The following AZIN2 variants were observed in gnomAD, a reference collection of about 807,000 sequenced individuals.
The protein encoded by AZIN2 is ODC antizyme inhibitor-2.
Under a neutral mutation model 47.8 loss-of-function variants are expected in AZIN2, and 28 were observed. The observed-to-expected ratio is 0.59, with a 90% CI of 0.43 to 0.80. AZIN2 has a LOEUF of 0.80. Among genes scored for constraint, AZIN2 ranks in the 30% least tolerant of loss-of-function variants. The pLI is 0.00. For missense variants in AZIN2, 535 were observed against 582.5 expected, an observed-to-expected ratio of 0.92 and a Z score of 0.84; for synonymous variants, 221 against 239.4, an observed-to-expected ratio of 0.92 and a Z score of 0.71.
chr1:33,119,565 T>G, intron 11 of AZIN2: 1 of 168,554 alleles, frequency 5.9e-6, no homozygotes, highest in Non-Finnish European at 1.3e-5. Context: ...GTTTGTGGGA[T>G]TGTTTGAGAG....
chr1:33,165,424 T>G, the AZIN2 span: 1 of 1,413,196 alleles, frequency 7.1e-7, no homozygotes, highest in Non-Finnish European at 9.7e-7. The surrounding 1 kb of genome is among the most constrained non-coding windows in gnomAD (Gnocchi z 4.0). Flanking sequence ...CTCGAAGCCC[T>G]GCCCTCATCT....
At chr1:33,152,234 T>C in the AZIN2 span, among the ~76,000 whole-genome samples, 1 of 152,188 alleles carries the variant, frequency 6.6e-6, no homozygotes, top group Admixed American at 6.5e-5. Context: ...TTTCACATCA[T>C]GCTCTTCCCA....
At chr1:33,087,002 T>C (rs1641980723) in intron 5 of AZIN2, among the ~76,000 whole-genome samples, 1 of 152,254 alleles carries the variant, frequency 6.6e-6, no homozygotes, top group African/African-American at 2.4e-5. Flanking sequence ...GTGAGCACTT[T>C]ACTTTAAACA....
chr1:33,119,125 T>C (rs757061678), intron 11 of AZIN2: 2 of 152,310 alleles, frequency 1.3e-5, no homozygotes, highest in African/African-American at 4.8e-5. Flanking sequence ...TAGATGAGAG[T>C]TGATGATACA....
In AZIN2 at chr1:33,121,433, T is replaced by C. The variant is rs1055981741; in HGVS notation, c.*1251T>C. 1.3e-5 allele frequency among the ~76,000 whole-genome samples: 2 copies of C among 152,048 alleles called. No homozygotes were observed. The highest frequency in any genetic ancestry group is 1.3e-4 in the Admixed American group (2 of 15,278). The stretch of plus-strand genomic sequence containing the variant: ...CAAAAATTAGCCAGGTGTGGTGGTA[T>C]GTGCCTGTAATTCCAGCTACTCAGG... On this transcript the variant is annotated 3_prime_UTR_variant, in exon 12 of 12. Transcript: ENST00000294517.
intron 5 of AZIN2, among the ~76,000 whole-genome samples, chr1:33,088,618 G>A (rs1021961591): frequency 4.6e-5 from 7 of 152,046 alleles, no homozygotes; most frequent in African/African-American, 1.4e-4. Context: ...TGACCTCATC[G>A]TCCTCACTGC....
intron 10 of AZIN2, among the ~76,000 whole-genome samples, chr1:33,108,641 G>GA (rs1399858669): frequency 9.9e-5 from 15 of 152,202 alleles, no homozygotes; most frequent in African/African-American, 3.6e-4. Context: ...CCGTGGCCCA[G>GA]ATTGACTTCT....
chr1:33,120,075 G>C lies in AZIN2; in HGVS notation c.1276G>C (p.Glu426Gln), dbSNP rs773485200. The C allele has an allele frequency of 3.7e-6, 6 of 1,614,054 alleles. No homozygotes were observed. Among genetic ancestry groups the C allele is most frequent in the South Asian group, 3.3e-5 (3 of 91,090 alleles). ...GCTGCGAAGGCAGCTGATGGCTGCAGAACAGGAGGATGACGTGGAGGGTGT... is the reference window on the plus strand; with the variant it reads ...GCTGCGAAGGCAGCTGATGGCTGCACAACAGGAGGATGACGTGGAGGGTGT... ...EALRRQLMAA[E>Q]QEDDVEGVCK... Residue 426 changes from glutamate to glutamine, a missense_variant, in exon 12 of 12, where the codon GAA becomes CAA. Glu to Gln is a conservative substitution (Grantham distance 29). Around this residue, in one of 3 missense-constraint regions of AZIN2, gnomAD observed 122 missense variants for 135.8 expected, o/e 0.90. Transcript: ENST00000294517.
intron 10 of AZIN2, among the ~76,000 whole-genome samples, chr1:33,116,885 T>C (rs1193081562): frequency 2.6e-5 from 4 of 152,104 alleles, no homozygotes; most frequent in Admixed American, 1.3e-4. Flanking sequence ...CCAGAGCAAC[T>C]GGAGTAACTG....
Position 33,086,113 on chromosome 1 carries a change from A to G in AZIN2, c.279+1986A>G, listed in dbSNP as rs186139056. On this transcript the variant is annotated intron_variant, in intron 5 of 11. Coordinates refer to ENST00000294517, the MANE Select transcript of AZIN2 (RefSeq NM_052998.4). ...ACCTTGATGACAGCGGGGACTGGAGAAGCATCTGCCCTTTGCTGAGTGTGT... is the reference window on the plus strand; with the variant it reads ...ACCTTGATGACAGCGGGGACTGGAGGAGCATCTGCCCTTTGCTGAGTGTGT... Among the ~76,000 whole-genome samples the G allele has an allele frequency of 3.3e-5, 5 of 152,188 alleles. No homozygotes were observed. The East Asian group carries it at 9.7e-4, about 29-fold the overall frequency.
At chr1:33,085,155 A>G (rs563122479) in intron 5 of AZIN2, among the ~76,000 whole-genome samples, 1 of 152,248 alleles carries the variant, frequency 6.6e-6, no homozygotes, top group Non-Finnish European at 1.5e-5. Context: ...TTCTGAGGCC[A>G]AGCATTATTC....
chr1:33,089,003 A>G (rs747783746), intron 5 of AZIN2, among the ~76,000 whole-genome samples: 9 of 152,106 alleles, frequency 5.9e-5, no homozygotes, highest in African/African-American at 2.2e-4. Flanking sequence ...TGTTTTATTA[A>G]CACCTATCAC....
chr1:33,112,739 T>C (rs1023171318), intron 10 of AZIN2, among the ~76,000 whole-genome samples: 11 of 152,218 alleles, frequency 7.2e-5, no homozygotes, highest in African/African-American at 2.7e-4. Flanking sequence ...TTTGTATAAA[T>C]TATTTAACAA....
At chr1:33,130,692 G>A in the AZIN2 span, among the ~76,000 whole-genome samples, 5 of 152,192 alleles carry the variant, frequency 3.3e-5, no homozygotes, top group African/African-American at 4.8e-5. Flanking sequence ...AGTAATATTC[G>A]TGGTTTTAAG....
chr1:33,101,890 T>C (rs1301355477), intron 10 of AZIN2: 3 of 779,260 alleles, frequency 3.8e-6, no homozygotes, highest in South Asian at 1.3e-5. Context: ...CATTGCCGTG[T>C]AGCGCTCTTT....
Position 33,081,672 on chromosome 1 carries a change from C to A in AZIN2, c.-213C>A. On this transcript the variant is annotated 5_prime_UTR_variant, in exon 3 of 12. Transcript: ENST00000294517. The surrounding 1 kb of genome is among the most constrained non-coding windows in gnomAD (Gnocchi z 4.2). ...GAATTCTAGCACCTCAGGATCAGTC[C>A]AGCCCCCATTTACAATTGGGGAAAC... 5.6e-6 allele frequency: 1 copy of A among 177,944 alleles called. No individual in the cohort carries two copies. Among genetic ancestry groups the A allele is most frequent in the South Asian group, 1.1e-4 (1 of 9,364 alleles). 11.0% of individuals were successfully genotyped at this position (177,944 alleles called of 1,614,324 possible). A position where few individuals can be genotyped will look rare whatever the true frequency, so the allele number is the denominator to read the frequency against.
intron 10 of AZIN2, among the ~76,000 whole-genome samples, chr1:33,102,681 G>T (rs891177957): frequency 3.9e-5 from 6 of 151,980 alleles, no homozygotes; most frequent in Non-Finnish European, 7.4e-5. Context: ...GTCTATATGC[G>T]CTTCCTAGGT....
intron 10 of AZIN2, among the ~76,000 whole-genome samples, chr1:33,112,646 T>C (rs1644338067): frequency 6.6e-6 from 1 of 152,196 alleles, no homozygotes; most frequent in Admixed American, 6.5e-5. Flanking sequence ...CTGGAAATTT[T>C]ATCTTTCTTC....
At chr1:33,101,360 T>C (rs1026220541) in intron 10 of AZIN2, among the ~76,000 whole-genome samples, 2 of 152,106 alleles carry the variant, frequency 1.3e-5, no homozygotes, top group Admixed American at 1.3e-4. Flanking sequence ...TTTAAGTCTG[T>C]TTTGTTTGTT....
Sources: allele counts gnomAD v4.1 joint callset (sites outside exome capture counted in the v4.1 genomes callset), GRCh38; gene constraint gnomAD v4.1.1; regional missense constraint gnomAD v4.1.1; non-coding constraint Gnocchi (gnomAD v3.1); transcripts MANE v1.5; gene names NCBI Gene and HGNC (gene_info 2026-07-23, HGNC 2026-07-21).